P3H3: variants seen among roughly 807,000 people sequenced by gnomAD.
P3H3 encodes prolyl 3-hydroxylase 3.
A neutral mutation model predicts 78.1 loss-of-function variants in P3H3; 64 were observed. That is an observed-to-expected ratio of 0.82 (90% confidence interval 0.67 to 1.01). The LOEUF (loss-of-function observed/expected upper bound fraction) is 1.01, where lower values mean the gene tolerates loss of function less well. P3H3 is among the 50% of genes least tolerant of loss of function. The pLI is 0.00. For synonymous variants in P3H3, 425 were observed against 416.7 expected (o/e 1.02, Z -0.24); for missense variants, 975 against 982.2 (o/e 0.99, Z 0.10).
chr12:6,839,069 T>C lies in P3H3; in HGVS notation c.1975T>C (p.Trp659Arg). The C allele has an allele frequency of 6.2e-7, 1 of 1,611,948 alleles. No individual in the cohort carries two copies. Among genetic ancestry groups the C allele is most frequent in the South Asian group, 1.1e-5 (1 of 90,944 alleles). ...SSGVENPHGV[W>R]AVTRGRRCAL... The stretch of plus-strand genomic sequence containing the variant: ...CGGTGTCGAGAATCCCCATGGGGTG[T>C]GGGCCGTGACTCGGGGACGGCGCTG... Residue 659 changes from tryptophan (W) to arginine (R), a missense_variant, in exon 14 of 15, where the codon TGG becomes CGG. Coordinates refer to ENST00000290510, the MANE Select transcript of P3H3 (RefSeq NM_014262.5).
chr12:6,835,867 G>A lies in P3H3; in HGVS notation c.1459-1118G>A, dbSNP rs74421949. On this transcript the variant is annotated intron_variant, in intron 9 of 14. Coordinates refer to ENST00000290510, the MANE Select transcript of P3H3 (RefSeq NM_014262.5). ...TCTGGAGTCACCTGTAGGAGTGGTA[G>A]AGCCCTCTAGTGGCAGTCTGTAGAA... Among the ~76,000 whole-genome samples, 492 of 152,240 alleles carry A rather than the reference G, an allele frequency of 3.2e-3. 3 individuals are homozygous for A. The highest frequency in any genetic ancestry group is 0.011 in the African/African-American group (471 of 41,524).
At chr12:6,835,890 G>T (rs1017227043) in intron 9 of P3H3, among the ~76,000 whole-genome samples, 15 of 152,162 alleles carry the variant, frequency 9.9e-5, no homozygotes, top group Non-Finnish European at 1.9e-4. Context: ...GCAGTCTGTA[G>T]AATGCAGTGG....
At position 6,828,569 on chromosome 12, in the gene P3H3, C is replaced by A; in HGVS notation, c.129C>A (p.Asp43Glu). 1 of 1,231,460 alleles carries A rather than the reference C, an allele frequency of 8.1e-7. No homozygotes were observed. The highest frequency in any genetic ancestry group is 1.0e-6 in the Non-Finnish European group (1 of 987,242). The allele number at this position is 1,231,460 out of a possible 1,614,324, so 76.3% of individuals were successfully genotyped here. A position where few individuals can be genotyped will look rare whatever the true frequency, so the allele number is the denominator to read the frequency against. The change falls in exon 1 of 15, where the codon GAC (aspartate) becomes GAA (glutamate). Residue 43 changes from aspartate (D) to glutamate (E), a missense_variant. Coordinates refer to ENST00000290510, the MANE Select transcript of P3H3 (RefSeq NM_014262.5). ...AGGCCCCCGACTTGCTCTACGCTGA[C>A]GGGCTGCGCGCCTACGCGGCCGGGG... ...PPQAPDLLYA[D>E]GLRAYAAGAW... is the part of the protein sequence containing the mutation.
At position 6,837,437 on chromosome 12, in the gene P3H3, G is replaced by A; in HGVS notation, c.1575G>A (p.Gly525=). Residue 525 remains glycine, a synonymous_variant, in exon 11 of 15, where the codon GGG becomes GGA. Coordinates refer to ENST00000290510, the MANE Select transcript of P3H3 (RefSeq NM_014262.5). ...ACTGCCTGCAGCTGGCCCGGGCTGG[G>A]ACAGTGGGCAGTCAGGGTGCTAAGC... is the stretch of plus-strand genomic sequence containing the variant. ...VLKAAQLARA[G]TVGSQGAKLL... 1.2e-6 allele frequency: 2 copies of A among 1,611,158 alleles called. No homozygotes were observed. Among genetic ancestry groups the A allele is most frequent in the East Asian group, 2.2e-5 (1 of 44,786 alleles).
In P3H3 at chr12:6,830,557, A is replaced by G. The variant is rs782284522; in HGVS notation, c.853+3A>G. 3.2e-6 allele frequency: 5 copies of G among 1,573,920 alleles called. No homozygotes were observed. The African/African-American group carries it at 6.8e-5, about 21-fold the overall frequency. ...GGGCCTCTATGAGGCCATTGCAGGT[A>G]AGGGTCCCGTGTGTGAGGGGGTGGG... On this transcript the variant is annotated splice_donor_region_variant and intron_variant, in intron 3 of 14. Coordinates refer to ENST00000290510, the MANE Select transcript of P3H3 (RefSeq NM_014262.5).
Position 6,828,826 on chromosome 12 carries a change from C to T in P3H3, c.386C>T (p.Ala129Val), listed in dbSNP as rs782597934. The T allele has an allele frequency of 4.8e-5, 59 of 1,240,792 alleles. No individual in the cohort carries two copies. The African/African-American group carries it at 6.7e-4, about 14-fold the overall frequency. 76.9% of individuals were successfully genotyped at this position (1,240,792 alleles called of 1,614,324 possible). ...CGCGCAGACTGCCTGACCCAGTGCG[C>T]AGCACGGAGGCTGGGCCCCGGGGGC... ...LRRADCLTQC[A>V]ARRLGPGGAA... Residue 129 changes from alanine (A) to valine (V), a missense_variant, in exon 1 of 15, where the codon GCA becomes GTA. Coordinates refer to ENST00000290510, the MANE Select transcript of P3H3 (RefSeq NM_014262.5).
At position 6,839,643 on chromosome 12, in the gene P3H3, C is replaced by G; in HGVS notation, c.*182C>G. On this transcript the variant is annotated 3_prime_UTR_variant, in exon 15 of 15. Coordinates refer to ENST00000290510, the MANE Select transcript of P3H3 (RefSeq NM_014262.5). ...ACTCAGAGGACAGTGCACAGGCTAG[C>G]CTGGAGCTCACCAGGCCTGGGGAGC... The G allele has an allele frequency of 1.3e-6, 1 of 795,374 alleles. No individual in the cohort carries two copies. The highest frequency in any genetic ancestry group is 2.7e-5 in the East Asian group (1 of 36,812). 49.3% of individuals were successfully genotyped at this position (795,374 alleles called of 1,614,324 possible). A position where few individuals can be genotyped will look rare whatever the true frequency, so the allele number is the denominator to read the frequency against.
intron 9 of P3H3, among the ~76,000 whole-genome samples, chr12:6,836,618 T>C (rs186510084): frequency 6.6e-6 from 1 of 152,308 alleles, no homozygotes; most frequent in Admixed American, 6.5e-5. Context: ...GAGGGACTCC[T>C]CTATTCTTGG....
intron 9 of P3H3, among the ~76,000 whole-genome samples, chr12:6,834,297 A>G (rs1943476258): frequency 6.6e-6 from 1 of 152,220 alleles, no homozygotes. Context: ...ATGAAGGCAT[A>G]AAAATGGATG....
At chr12:6,835,995 G>A (rs1260161251) in intron 9 of P3H3, among the ~76,000 whole-genome samples, 1 of 152,186 alleles carries the variant, frequency 6.6e-6, no homozygotes, top group African/African-American at 2.4e-5. Flanking sequence ...GGAGGCTGAG[G>A]CAGGCGAATG....
Position 6,835,607 on chromosome 12 carries a change from A to T in P3H3, c.1459-1378A>T, listed in dbSNP as rs1052819289. 4.0e-5 allele frequency among the ~76,000 whole-genome samples: 6 copies of T among 151,732 alleles called. No individual in the cohort carries two copies. The South Asian group carries it at 1.3e-3, about 32-fold the overall frequency. Reference sequence around the variant, plus strand: ...CTCGAAAAATAAATTTTTTTAAATAATTAATTAATTAATTAATTAATTAAA... The same window carrying T: ...CTCGAAAAATAAATTTTTTTAAATATTTAATTAATTAATTAATTAATTAAA... On this transcript the variant is annotated intron_variant, in intron 9 of 14. Transcript: ENST00000290510.
intron 13 of P3H3, among the ~76,000 whole-genome samples, chr12:6,838,369 C>T (rs554616484): frequency 3.7e-4 from 57 of 152,262 alleles, no homozygotes; most frequent in Non-Finnish European, 6.8e-4. Flanking sequence ...GGCTGGCGCA[C>T]AGATACCAGG....
chr12:6,830,800 T>C (rs782666994), intron 4 of P3H3, 30 bp downstream of exon 4: 1 of 1,612,658 alleles, frequency 6.2e-7, no homozygotes, highest in South Asian at 1.1e-5. Flanking sequence ...AAACGGGGAG[T>C]GAAGATTTGC....
chr12:6,839,150 G>A lies in P3H3; in HGVS notation c.2046+10G>A, dbSNP rs782653189. On this transcript the variant is annotated intron_variant, in intron 14 of 14. Coordinates refer to ENST00000290510, the MANE Select transcript of P3H3 (RefSeq NM_014262.5). Reference sequence around the variant, plus strand: ...TGAGCACAGGGAGCAGGTAAGGAGCGGGGTAGGAAGGGATGTGGTTCTCCT... The same window carrying A: ...TGAGCACAGGGAGCAGGTAAGGAGCAGGGTAGGAAGGGATGTGGTTCTCCT... 20 of 1,589,652 alleles carry A rather than the reference G, an allele frequency of 1.3e-5. No homozygotes were observed. The highest frequency in any genetic ancestry group is 6.9e-5 in the Admixed American group (4 of 57,710).
At chr12:6,836,383 A>C (rs1177310240) in intron 9 of P3H3, among the ~76,000 whole-genome samples, 5 of 152,150 alleles carry the variant, frequency 3.3e-5, no homozygotes, top group African/African-American at 9.7e-5. Context: ...GAATAATTCC[A>C]GTGTAGACAT....
Position 6,831,684 on chromosome 12 carries a change from G to T in P3H3, c.1123-141G>T. 1 of 704,182 alleles carries T rather than the reference G, an allele frequency of 1.4e-6. No individual in the cohort carries two copies. Among genetic ancestry groups the T allele is most frequent in the Admixed American group, 2.3e-5 (1 of 42,954 alleles). The allele number at this position is 704,182 out of a possible 1,614,324, so 43.6% of individuals were successfully genotyped here. A position where few individuals can be genotyped will look rare whatever the true frequency, so the allele number is the denominator to read the frequency against. Reference sequence around the variant, plus strand: ...GTTTAAGTCCAGATGCTCTGAAGCTGCTGAGGGGGAACGTTGAACAGAGGA... The same window carrying T: ...GTTTAAGTCCAGATGCTCTGAAGCTTCTGAGGGGGAACGTTGAACAGAGGA... On this transcript the variant is annotated intron_variant, in intron 5 of 14. Coordinates refer to ENST00000290510, the MANE Select transcript of P3H3 (RefSeq NM_014262.5). This position sits in a 1 kb window ranked among gnomAD's most constrained non-coding sequence, Gnocchi z 4.6.
chr12:6,836,159 T>C (rs1943493750), intron 9 of P3H3, among the ~76,000 whole-genome samples: 1 of 150,776 alleles, frequency 6.6e-6, no homozygotes, highest in Non-Finnish European at 1.5e-5. Flanking sequence ...GAGGTGGAGA[T>C]TGCAGTGAGC....
Position 6,837,815 on chromosome 12 carries a change from C to T in P3H3, c.1795C>T (p.Arg599Trp), listed in dbSNP as rs61741948. 2.1e-3 allele frequency: 3,402 copies of T among 1,612,518 alleles called. 64 individuals are homozygous for T. In the South Asian group the frequency reaches 0.026, roughly 13 times the overall value. Residue 599 changes from arginine to tryptophan, a missense_variant, in exon 12 of 15, where the codon CGG becomes TGG. Arg to Trp is a moderately radical substitution (Grantham distance 101). Transcript: ENST00000290510. ...VLDPDTGECW[R>W]EPPAYTYRDY... Reference sequence around the variant, plus strand: ...GGACCCTGACACGGGAGAGTGCTGGCGGGAGCCCCCAGCCTACACCTATCG... The same window carrying T: ...GGACCCTGACACGGGAGAGTGCTGGTGGGAGCCCCCAGCCTACACCTATCG...
rs946819169 is a variant in P3H3, at chr12:6,829,472, G to T, written c.499-387G>T. On this transcript the variant is annotated intron_variant, in intron 1 of 14. Transcript: ENST00000290510. The surrounding 1 kb of genome is among the most constrained non-coding windows in gnomAD (Gnocchi z 5.1). The stretch of plus-strand genomic sequence containing the variant: ...GCCTACGTGGCTGGGGAAGCGGGGC[G>T]CCGGTTGTACTCACCTCAGCTCAGG... 14 of 231,444 alleles carry T rather than the reference G, an allele frequency of 6.0e-5. No individual in the cohort carries two copies. Among genetic ancestry groups the T allele is most frequent in the Non-Finnish European group, 1.2e-4 (14 of 118,972 alleles). 14.3% of individuals were successfully genotyped at this position (231,444 alleles called of 1,614,324 possible). A position where few individuals can be genotyped will look rare whatever the true frequency, so the allele number is the denominator to read the frequency against.
Sources: allele counts gnomAD v4.1 joint callset (sites outside exome capture counted in the v4.1 genomes callset), GRCh38; gene constraint gnomAD v4.1.1; non-coding constraint Gnocchi (gnomAD v3.1); transcripts MANE v1.5; gene names NCBI Gene and HGNC (gene_info 2026-07-23, HGNC 2026-07-21).